The following CRACR2A variants were observed in gnomAD, a reference collection of about 807,000 sequenced individuals.
The protein encoded by CRACR2A is EF-hand calcium-binding domain-containing protein 4B.
In CRACR2A, 79 loss-of-function variants were observed where a neutral mutation model predicts 90.5. That is an observed-to-expected ratio of 0.87 (90% CI 0.73 to 1.05). CRACR2A has a LOEUF of 1.05. Among genes scored for constraint, CRACR2A ranks in the 50% least tolerant of loss-of-function variants. CRACR2A has a pLI of 0.00. For synonymous variants in CRACR2A, 338 were observed against 356.7 expected, an observed-to-expected ratio of 0.95 and a Z score of 0.59; for missense variants, 823 against 897.2, an observed-to-expected ratio of 0.92 and a Z score of 1.06.
At position 3,736,875 on chromosome 12, in the gene CRACR2A, C is replaced by T. The variant is rs774070894; in HGVS notation, c.-386-3665G>A. Among the ~76,000 whole-genome samples the T allele has an allele frequency of 2.8e-4, 42 of 152,164 alleles. 1 individual carries two copies. Among genetic ancestry groups the T allele is most frequent in the Non-Finnish European group, 5.6e-4 (38 of 68,022 alleles). Reference sequence around the variant, plus strand: ...TATCAATGAGGAGGCCACCGGTGAACTCAGTAATAGCAGTCCCAGTGGAGG... The same window carrying T: ...TATCAATGAGGAGGCCACCGGTGAATTCAGTAATAGCAGTCCCAGTGGAGG... On this transcript the variant is annotated intron_variant, in intron 1 of 19. Transcript: ENST00000440314.
chr12:3,727,856 T>C (rs566747285), intron 2 of CRACR2A: 1 of 152,186 alleles, frequency 6.6e-6, no homozygotes, highest in South Asian at 2.1e-4. Context: ...TGTAACAGAC[T>C]TGCAGGTGTA....
chr12:3,699,020 G>C (rs1432187630), intron 3 of CRACR2A, among the ~76,000 whole-genome samples: 1 of 152,058 alleles, frequency 6.6e-6, no homozygotes, highest in African/African-American at 2.4e-5. Context: ...GCTTTCTCTT[G>C]CCAGGCCCCT....
At chr12:3,742,983 T>C (rs996708050) in intron 1 of CRACR2A, among the ~76,000 whole-genome samples, 4 of 152,232 alleles carry the variant, frequency 2.6e-5, no homozygotes, top group African/African-American at 9.6e-5. Context: ...CTTCATACAG[T>C]AGGTGTTCAA....
chr12:3,654,911 T>C (rs1944870250), intron 9 of CRACR2A, among the ~76,000 whole-genome samples: 1 of 152,212 alleles, frequency 6.6e-6, no homozygotes. Context: ...CTTTTAAGGG[T>C]AGCCAGAAGC....
intron 1 of CRACR2A, among the ~76,000 whole-genome samples, chr12:3,743,835 G>A (rs917174044): frequency 1.3e-4 from 20 of 152,188 alleles, no homozygotes; most frequent in Admixed American, 1.3e-4. Flanking sequence ...AAAAATCTGA[G>A]TTCTGAGACA....
At chr12:3,654,451 GAGGGCCT>G in intron 9 of CRACR2A, 52 bp from the exon 10 acceptor site, 2 of 1,525,382 alleles carry the variant, frequency 1.3e-6, no homozygotes, top group Non-Finnish European at 1.8e-6. Context: ...CCATTTTCAG[GAGGGCCT>G]GCCCTGGCCT....
intron 4 of CRACR2A, among the ~76,000 whole-genome samples, chr12:3,691,680 G>T (rs1320574383): frequency 6.6e-6 from 1 of 152,178 alleles, no homozygotes; most frequent in Non-Finnish European, 1.5e-5. Flanking sequence ...TCCTGAATTT[G>T]AATGTTGGCC....
rs1302546763 is a variant in CRACR2A, at chr12:3,633,715, G to C, written c.1624C>G (p.Pro542Ala). 2.6e-6 allele frequency: 4 copies of C among 1,551,594 alleles called. No individual in the cohort carries two copies. The highest frequency in any genetic ancestry group is 3.5e-6 in the Non-Finnish European group (4 of 1,146,990). ...AACACAATCTTGAAGAGCCGGTCAG[G>C]GGCAGAGGGAGAGCTTTCCTCCTGT... ...LCKEESSPSA[P>A]DRLFKIVFVG... Residue 542 changes from proline (P) to alanine (A), a missense_variant, in exon 15 of 20, where the codon CCT becomes GCT. Physicochemically the swap from Pro to Ala is conservative, Grantham distance 27 (BLOSUM62 -1). Transcript: ENST00000440314. This position sits in a 1 kb window ranked among gnomAD's most constrained non-coding sequence, Gnocchi z 4.5.
rs372821272 is a variant in CRACR2A at position 3,648,596 on chromosome 12, G to A, written c.1064C>T (p.Thr355Met). Residue 355 changes from threonine to methionine, a missense_variant, in exon 11 of 20, where the codon ACG becomes ATG. Thr to Met is a moderately conservative substitution (Grantham distance 81). Transcript: ENST00000440314. ...GGCCTTCTCACGCTGTAGACTCTCC[G>A]TCACACGGTACACTTCCCTGAGGAG... ...QEKEMEVYRV[T>M]ESLQREKAGL... 9.7e-5 allele frequency: 156 copies of A among 1,613,874 alleles called. 3 individuals are homozygous for A. In the Middle Eastern group the frequency reaches 3.3e-3, roughly 34 times the overall value.
At chr12:3,723,025 T>C (rs1946207904) in intron 2 of CRACR2A, among the ~76,000 whole-genome samples, 1 of 152,234 alleles carries the variant, frequency 6.6e-6, no homozygotes, top group Non-Finnish European at 1.5e-5. Context: ...CAAAACTGTA[T>C]GTTCTCAGGA....
chr12:3,742,027 T>C (rs527246991), intron 1 of CRACR2A, among the ~76,000 whole-genome samples: 2 of 152,344 alleles, frequency 1.3e-5, no homozygotes, highest in African/African-American at 4.8e-5. Context: ...TTTCACAGGT[T>C]GCAGACAGGC....
chr12:3,689,283 G>C (rs1945614926), intron 4 of CRACR2A, among the ~76,000 whole-genome samples: 1 of 152,182 alleles, frequency 6.6e-6, no homozygotes, highest in South Asian at 2.1e-4. Flanking sequence ...TTTTCAAGGG[G>C]AATGCTTCCA....
intron 15 of CRACR2A, among the ~76,000 whole-genome samples, chr12:3,630,514 C>A (rs926530074): frequency 1.3e-5 from 2 of 152,154 alleles, no homozygotes; most frequent in East Asian, 1.9e-4. Flanking sequence ...CCAGAAACAG[C>A]TTCTGGAAGA....
At chr12:3,692,887 T>C (rs1945673849) in intron 4 of CRACR2A, among the ~76,000 whole-genome samples, 1 of 152,096 alleles carries the variant, frequency 6.6e-6, no homozygotes, top group East Asian at 1.9e-4. Context: ...TCATGGGTGA[T>C]CACTCAGGGC....
chr12:3,745,825 T>TAAATA (rs149739964), intron 1 of CRACR2A, among the ~76,000 whole-genome samples: 1 of 100,486 alleles, frequency 1.0e-5, no homozygotes, highest in Non-Finnish European at 2.0e-5. Context: ...TAAAATAAAA[T>TAAATA]AAAGAAAGAA....
chr12:3,656,780 G>A (rs1433085524), intron 8 of CRACR2A, among the ~76,000 whole-genome samples: 1 of 152,130 alleles, frequency 6.6e-6, no homozygotes, highest in Non-Finnish European at 1.5e-5. Flanking sequence ...TGCAAATTGG[G>A]GGTGACTGGG....
intron 15 of CRACR2A, among the ~76,000 whole-genome samples, 175 bp from the exon 16 acceptor site, chr12:3,627,881 A>G (rs1944295597): frequency 6.6e-6 from 1 of 152,188 alleles, no homozygotes; most frequent in Non-Finnish European, 1.5e-5. Flanking sequence ...ATGGGGAGGC[A>G]TGGGACCTCA....
chr12:3,736,347 T>G (rs1555121800), intron 1 of CRACR2A, among the ~76,000 whole-genome samples: 1 of 150,864 alleles, frequency 6.6e-6, no homozygotes, highest in Non-Finnish European at 1.5e-5. Context: ...GCTTCAGAGG[T>G]TAGGTAGATG....
intron 17 of CRACR2A, among the ~76,000 whole-genome samples, chr12:3,624,559 C>T (rs983461391): frequency 5.3e-5 from 8 of 152,228 alleles, no homozygotes; most frequent in African/African-American, 1.9e-4. Context: ...GACACAGCCT[C>T]CTGCACTTGT....
Sources: gnomAD v4.1 joint callset for allele counts (sites outside exome capture counted in the v4.1 genomes callset) on GRCh38, gnomAD v4.1.1 for gene constraint, Gnocchi (gnomAD v3.1) non-coding constraint, MANE v1.5 for transcripts, NCBI Gene and HGNC (gene_info 2026-07-23, HGNC 2026-07-21) for gene names.